The following CNTNAP4 variants were observed in gnomAD, a reference collection of about 807,000 sequenced individuals.
CNTNAP4 encodes the protein contactin associated protein family member 4, also known as contactin-associated protein-like 4.
CNTNAP4 carries 98 observed loss-of-function variants against 148.4 expected under a neutral mutation model. The ratio of observed to expected loss-of-function variants is 0.66; its 90% CI spans 0.56 to 0.78. CNTNAP4 has a LOEUF of 0.78. CNTNAP4 is among the 30% of genes least tolerant of loss of function. The pLI, the probability that CNTNAP4 is intolerant of heterozygous loss-of-function variation, is 0.00. For synonymous variants in CNTNAP4, 730 were observed against 565.1 expected (o/e 1.29, Z -4.14); for missense variants, 1,935 against 1,565.6 (o/e 1.24, Z -3.98).
intron 3 of CNTNAP4, among the ~76,000 whole-genome samples, chr16:76,379,627 A>G (rs2015765497): frequency 6.6e-6 from 1 of 152,188 alleles, no homozygotes; most frequent in African/African-American, 2.4e-5. Context: ...AGAAGCACCA[A>G]TTAATCAAGT....
intron 3 of CNTNAP4, among the ~76,000 whole-genome samples, chr16:76,382,627 A>G (rs2016094961): frequency 6.6e-6 from 1 of 152,208 alleles, no homozygotes; most frequent in Admixed American, 6.5e-5. Flanking sequence ...ATGAACTCTG[A>G]ATATATTTTC....
chr16:76,543,756 A>T (rs1364989002), intron 21 of CNTNAP4, among the ~76,000 whole-genome samples: 1 of 152,216 alleles, frequency 6.6e-6, no homozygotes, highest in Non-Finnish European at 1.5e-5. Flanking sequence ...GGCTGGGGGC[A>T]GTCCTTGGGA....
intron 3 of CNTNAP4, among the ~76,000 whole-genome samples, chr16:76,385,012 T>C (rs1207793395): frequency 1.3e-5 from 2 of 152,208 alleles, no homozygotes; most frequent in African/African-American, 4.8e-5. Context: ...TAGCCTAAGG[T>C]ATAAATATAG....
At position 76,560,593 on chromosome 16, in the gene CNTNAP4, C is replaced by T. The variant is rs1162095088; in HGVS notation, c.*1910C>T. 6.6e-6 allele frequency among the ~76,000 whole-genome samples: 1 copy of T among 152,110 alleles called. No homozygotes were observed. The highest frequency in any genetic ancestry group is 1.9e-4 in the East Asian group (1 of 5,198). On this transcript the variant is annotated 3_prime_UTR_variant, in exon 24 of 24. Transcript: ENST00000611870. ...TATTAACCTCATTGGTAGCTGAACTCTAGGGAGGTTTATTGGTGAAGCCTC... is the reference window on the plus strand; with the variant it reads ...TATTAACCTCATTGGTAGCTGAACTTTAGGGAGGTTTATTGGTGAAGCCTC...
At chr16:76,499,198 A>T (rs948294782) in intron 15 of CNTNAP4, among the ~76,000 whole-genome samples, 13 of 151,590 alleles carry the variant, frequency 8.6e-5, no homozygotes, top group Non-Finnish European at 1.5e-5. Context: ...CTCCTGCACA[A>T]TTTTTTTAAT....
chr16:76,511,642 T>C (rs1185958675), intron 15 of CNTNAP4, among the ~76,000 whole-genome samples: 1 of 152,190 alleles, frequency 6.6e-6, no homozygotes, highest in African/African-American at 2.4e-5. Context: ...TTTTATATTT[T>C]ACTTTATCTT....
intron 8 of CNTNAP4, among the ~76,000 whole-genome samples, chr16:76,456,532 G>C (rs1458462293): frequency 1.3e-5 from 2 of 152,142 alleles, no homozygotes; most frequent in Non-Finnish European, 2.9e-5. Context: ...AAGTTTATAA[G>C]TAGTCATGAT....
At chr16:76,495,159 T>G (rs2082359153) in intron 14 of CNTNAP4, 93 bp downstream of exon 14, 1 of 1,311,302 alleles carries the variant, frequency 7.6e-7, no homozygotes, top group Admixed American at 1.9e-5. Context: ...ACTGAACAAG[T>G]TAGTGCAATG....
intron 4 of CNTNAP4, among the ~76,000 whole-genome samples, chr16:76,430,753 C>T (rs1222648171): frequency 6.6e-6 from 1 of 152,134 alleles, no homozygotes; most frequent in Admixed American, 6.5e-5. Context: ...TGTAGCACAC[C>T]TCGCAGACTG....
At chr16:76,294,772 G>A (rs1264854268) in intron 1 of CNTNAP4, among the ~76,000 whole-genome samples, 1 of 152,094 alleles carries the variant, frequency 6.6e-6, no homozygotes, top group East Asian at 1.9e-4. Context: ...TAGTTAGTAA[G>A]CCTCCACATT....
intron 11 of CNTNAP4, among the ~76,000 whole-genome samples, chr16:76,476,258 G>C (rs777676073): frequency 1.3e-5 from 2 of 152,164 alleles, no homozygotes; most frequent in Non-Finnish European, 2.9e-5. Context: ...GAAGATGAAA[G>C]GTAGCTAAGG....
intron 17 of CNTNAP4, among the ~76,000 whole-genome samples, chr16:76,535,250 T>C (rs2084164908): frequency 6.6e-6 from 1 of 152,198 alleles, no homozygotes; most frequent in African/African-American, 2.4e-5. Flanking sequence ...AAAATAACGA[T>C]ACATGTCACT....
intron 2 of CNTNAP4, among the ~76,000 whole-genome samples, chr16:76,348,347 C>G (rs1047312212): frequency 1.6e-4 from 25 of 151,882 alleles, no homozygotes; most frequent in Non-Finnish European, 3.4e-4. Flanking sequence ...GTCTTGGGTT[C>G]AGGGAAGGAG....
intron 3 of CNTNAP4, among the ~76,000 whole-genome samples, chr16:76,418,729 G>GT (rs111245948): frequency 1.3e-4 from 19 of 149,776 alleles, no homozygotes; most frequent in South Asian, 4.2e-4. Flanking sequence ...AGAGTGTGGG[G>GT]TTTTTTTTTT....
At chr16:76,340,489 C>T (rs575191004) in intron 2 of CNTNAP4, among the ~76,000 whole-genome samples, 79 of 152,256 alleles carry the variant, frequency 5.2e-4, no homozygotes, top group African/African-American at 1.8e-3. Flanking sequence ...TGTTTTCAAA[C>T]GACCACCCTG....
intron 3 of CNTNAP4, among the ~76,000 whole-genome samples, chr16:76,360,929 G>T (rs2144545199): frequency 6.8e-6 from 1 of 147,046 alleles, no homozygotes; most frequent in African/African-American, 2.5e-5. Context: ...CCATTCTCCT[G>T]CCTCAGCCTC....
At chr16:76,335,031 T>C (rs1195042007) in intron 2 of CNTNAP4, among the ~76,000 whole-genome samples, 2 of 152,096 alleles carry the variant, frequency 1.3e-5, no homozygotes, top group South Asian at 2.1e-4. Flanking sequence ...AAGCACTCGA[T>C]AGACACCAGA....
At chr16:76,383,631 G>C (rs78876495) in intron 3 of CNTNAP4, among the ~76,000 whole-genome samples, 394 of 152,292 alleles carry the variant, frequency 2.6e-3, no homozygotes, top group Non-Finnish European at 4.8e-3. Context: ...ACTTTTAAGA[G>C]ATAAGCAGTC....
At chr16:76,383,507 A>T (rs1396949234) in intron 3 of CNTNAP4, among the ~76,000 whole-genome samples, 1 of 152,212 alleles carries the variant, frequency 6.6e-6, no homozygotes, top group Non-Finnish European at 1.5e-5. Context: ...ATTGAAAGAA[A>T]AAGGAAGAGT....
Sources: allele counts gnomAD v4.1 joint callset (sites outside exome capture counted in the v4.1 genomes callset), GRCh38; gene constraint gnomAD v4.1.1; transcripts MANE v1.5; gene names NCBI Gene and HGNC (gene_info 2026-07-23, HGNC 2026-07-21).